Variants in UGT1A8 observed in about 807,000 individuals in gnomAD.
The protein encoded by UGT1A8 is UDP-glucuronosyltransferase 1A8.
In UGT1A8, 39 loss-of-function variants were observed where a neutral mutation model predicts 45.3. That is an observed-to-expected ratio of 0.86 (90% CI 0.67 to 1.12). The LOEUF (loss-of-function observed/expected upper bound fraction) is 1.12. Ranked by LOEUF, UGT1A8 falls within the 50% of genes most tolerant of loss-of-function variation. The pLI, the probability that UGT1A8 is intolerant of heterozygous loss-of-function variation, is 0.00. For missense variants in UGT1A8, 719 were observed against 664.9 expected, an observed-to-expected ratio of 1.08 and a Z score of -0.90; for synonymous variants, 275 against 249.2, an observed-to-expected ratio of 1.10 and a Z score of -0.97.
intron 1 of UGT1A8, among the ~76,000 whole-genome samples, chr2:233,699,536 C>G (rs1417516253): frequency 6.6e-6 from 1 of 152,218 alleles, no homozygotes; most frequent in Non-Finnish European, 1.5e-5. Context: ...CAGGGCCATT[C>G]ACATCATAGA....
At position 233,762,076 on chromosome 2, in the gene UGT1A8, C is replaced by T. The variant is rs543302541; in HGVS notation, c.856-4958C>T. ...CTTCATAGCACATCAAATATGGCAG[C>T]CATTTCACTTAGATAGTTGTTGATT... On this transcript the variant is annotated intron_variant, in intron 1 of 4. Coordinates refer to ENST00000373450, the MANE Select transcript of UGT1A8 (RefSeq NM_019076.5). Among the ~76,000 whole-genome samples the T allele has an allele frequency of 4.6e-5, 7 of 152,184 alleles. No homozygotes were observed. The East Asian group carries it at 1.4e-3, about 29-fold the overall frequency.
rs890404321 is a variant in UGT1A8 at position 233,620,407 on chromosome 2, A to C, written c.855+1845A>C. 3.3e-5 allele frequency among the ~76,000 whole-genome samples: 5 copies of C among 152,202 alleles called. No homozygotes were observed. In the East Asian group the frequency reaches 9.6e-4, roughly 29 times the overall value. On this transcript the variant is annotated intron_variant, in intron 1 of 4. Coordinates refer to ENST00000373450, the MANE Select transcript of UGT1A8 (RefSeq NM_019076.5). ...CTTTGGCCGAGTGTGAGGCTCTGCC[A>C]CTTCCTGAACCCACACTGAGTTTAT... is the stretch of plus-strand genomic sequence containing the variant.
chr2:233,704,968 T>A (rs2075815720), intron 1 of UGT1A8, among the ~76,000 whole-genome samples: 1 of 152,042 alleles, frequency 6.6e-6, no homozygotes, highest in South Asian at 2.1e-4. Flanking sequence ...AAACCCCATC[T>A]CTACTTAAAA....
chr2:233,654,657 C>G (rs1249855815), intron 1 of UGT1A8, among the ~76,000 whole-genome samples: 3 of 152,208 alleles, frequency 2.0e-5, no homozygotes, highest in Admixed American at 2.0e-4. Flanking sequence ...CATAGCAACA[C>G]CAATTGCTAC....
At chr2:233,636,702 A>G in intron 1 of UGT1A8, 1 of 1,614,146 alleles carries the variant, frequency 6.2e-7, no homozygotes, top group Non-Finnish European at 8.5e-7. Flanking sequence ...TAGTCATGCC[A>G]GAGGTGAGTT....
intron 1 of UGT1A8, among the ~76,000 whole-genome samples, chr2:233,635,406 T>C (rs1358851419): frequency 2.0e-5 from 3 of 150,558 alleles, no homozygotes; most frequent in African/African-American, 4.9e-5. Flanking sequence ...TTTTGGCATT[T>C]TTTAAAAAAT....
intron 1 of UGT1A8, chr2:233,672,425 C>A: frequency 6.8e-6 from 11 of 1,613,932 alleles, no homozygotes; most frequent in Non-Finnish European, 9.3e-6. Flanking sequence ...TTCTCCCTCC[C>A]CTCCGTGGTC....
chr2:233,740,927 G>A (rs1691506566), intron 1 of UGT1A8: 1 of 150,310 alleles, frequency 6.7e-6, no homozygotes, highest in African/African-American at 2.5e-5. Flanking sequence ...TCCACAAAAA[G>A]TTTTTTTTTT....
At chr2:233,749,544 A>G (rs1407004260) in intron 1 of UGT1A8, among the ~76,000 whole-genome samples, 1 of 151,906 alleles carries the variant, frequency 6.6e-6, no homozygotes, top group Non-Finnish European at 1.5e-5. Context: ...GTGGTAAAGA[A>G]CAGGCTAATG....
chr2:233,681,868 G>A lies in UGT1A8; in HGVS notation c.855+63306G>A, dbSNP rs1575427580. On this transcript the variant is annotated intron_variant, in intron 1 of 4. Coordinates refer to ENST00000373450, the MANE Select transcript of UGT1A8 (RefSeq NM_019076.5). The stretch of plus-strand genomic sequence containing the variant: ...CTTCTTTTGAGGGCAGGTTCTATCT[G>A]TACTTCTTCCACTTACTATATTATA... 1.2e-5 allele frequency: 19 copies of A among 1,538,684 alleles called. No homozygotes were observed. In the East Asian group the frequency reaches 4.3e-4, roughly 35 times the overall value.
At chr2:233,729,885 T>C (rs2077943126) in intron 1 of UGT1A8, 3 of 1,613,802 alleles carry the variant, frequency 1.9e-6, no homozygotes, top group South Asian at 1.1e-5. Context: ...GTCATGCATC[T>C]GTGTGGCTGT....
rs60469444 is a variant in UGT1A8, at chr2:233,743,994, T to G, written c.856-23040T>G. ...GCCAGCACCCAGGCGCAGGCCCGAG[T>G]GCTCGGAGACCTGGGCCGCCTGGAG... On this transcript the variant is annotated intron_variant, in intron 1 of 4. Coordinates refer to ENST00000373450, the MANE Select transcript of UGT1A8 (RefSeq NM_019076.5). 3 of 1,253,056 alleles carry G rather than the reference T, an allele frequency of 2.4e-6. No individual in the cohort carries two copies. In the African/African-American group the frequency reaches 4.7e-5, roughly 20 times the overall value. The allele number at this position is 1,253,056 out of a possible 1,614,324, so 77.6% of individuals were successfully genotyped here. A position where few individuals can be genotyped will look rare whatever the true frequency, so the allele number is the denominator to read the frequency against.
At chr2:233,758,675 G>A (rs1391896558) in intron 1 of UGT1A8, among the ~76,000 whole-genome samples, 10 of 152,156 alleles carry the variant, frequency 6.6e-5, no homozygotes, top group Admixed American at 6.5e-4. Flanking sequence ...CTGTTAATAT[G>A]TCCCATAGGA....
chr2:233,735,900 C>T (rs1272408320), intron 1 of UGT1A8, among the ~76,000 whole-genome samples: 5 of 152,014 alleles, frequency 3.3e-5, no homozygotes, highest in African/African-American at 9.7e-5. Flanking sequence ...GATGGGCTTC[C>T]CTTTGTGGGT....
rs1212901051 is a variant in UGT1A8 at position 233,697,502 on chromosome 2, C to CT, written c.856-69519dup. Among the ~76,000 whole-genome samples the CT allele has an allele frequency of 9.7e-3, 1,385 of 142,280 alleles. 7 individuals carry two copies. Among genetic ancestry groups the CT allele is most frequent in the African/African-American group, 0.02 (766 of 39,092 alleles). The allele number at this position is 142,280 out of a possible 152,430, so 93.3% of individuals were successfully genotyped here. A position where few individuals can be genotyped will look rare whatever the true frequency, so the allele number is the denominator to read the frequency against. On this transcript the variant is annotated intron_variant, in intron 1 of 4. Transcript: ENST00000373450. Reference sequence around the variant, plus strand: ...CTCAAGGTTTGCCAATTTTGTTTATCTTTTTTTTTTTTTAAAAAACTTTTT... The same window carrying CT: ...CTCAAGGTTTGCCAATTTTGTTTATCTTTTTTTTTTTTTTAAAAAACTTTTT...
chr2:233,668,198 C>T (rs867701374), intron 1 of UGT1A8, among the ~76,000 whole-genome samples: 3 of 152,076 alleles, frequency 2.0e-5, no homozygotes, highest in South Asian at 2.1e-4. Flanking sequence ...AATGCTATCC[C>T]TCCCCCATAC....
intron 1 of UGT1A8, among the ~76,000 whole-genome samples, chr2:233,697,329 T>C (rs545927444): frequency 6.6e-6 from 1 of 152,134 alleles, no homozygotes; most frequent in Non-Finnish European, 1.5e-5. Flanking sequence ...TTTGGAAATG[T>C]ATCCATTTCC....
rs974078775 is a variant in UGT1A8, at chr2:233,743,284, C to A, written c.856-23750C>A. 1.2e-4 allele frequency: 61 copies of A among 507,042 alleles called. 3 individuals are homozygous for A. The highest frequency in any genetic ancestry group is 1.0e-3 in the African/African-American group (49 of 48,728). 31.4% of individuals were successfully genotyped at this position (507,042 alleles called of 1,614,324 possible). A position where few individuals can be genotyped will look rare whatever the true frequency, so the allele number is the denominator to read the frequency against. On this transcript the variant is annotated intron_variant, in intron 1 of 4. Transcript: ENST00000373450. ...TTCCTCCACTTCCACCCTTTCTTGG[C>A]CATTCTCAATGATTCTCTTGGTGGT...
At chr2:233,680,794 A>G (rs2074498937) in intron 1 of UGT1A8, among the ~76,000 whole-genome samples, 1 of 152,178 alleles carries the variant, frequency 6.6e-6, no homozygotes, top group Non-Finnish European at 1.5e-5. Flanking sequence ...GGGTGGGCCC[A>G]TAGCAAAGGC....
Sources: allele counts gnomAD v4.1 joint callset (sites outside exome capture counted in the v4.1 genomes callset), GRCh38; gene constraint gnomAD v4.1.1; transcripts MANE v1.5; gene names NCBI Gene and HGNC (gene_info 2026-07-23, HGNC 2026-07-21).